Variants in MCOLN3 observed in about 807,000 individuals in gnomAD.
The protein encoded by MCOLN3 is mucolipin-3.
MCOLN3 carries 62 observed loss-of-function variants against 69.4 expected under a neutral mutation model. The ratio of observed to expected loss-of-function variants is 0.89; its 90% CI spans 0.73 to 1.10. The LOEUF (loss-of-function observed/expected upper bound fraction) is 1.10, where lower values mean the gene tolerates loss of function less well. Ranked by LOEUF, MCOLN3 falls within the 50% of genes least tolerant of loss-of-function variation. The pLI, the probability that MCOLN3 is intolerant of heterozygous loss-of-function variation, is 0.00. For synonymous variants in MCOLN3, 183 were observed against 217.0 expected (o/e 0.84, Z 1.38); for missense variants, 564 against 656.4 (o/e 0.86, Z 1.54).
At position 85,021,277 on chromosome 1, in the gene MCOLN3, C is replaced by CAATTAAGG. The variant is rs1455901546; in HGVS notation, c.1321-2_1321-1insCCTTAATT. The CAATTAAGG allele has an allele frequency of 6.2e-7, 1 of 1,604,802 alleles. No individual in the cohort carries two copies. The highest frequency in any genetic ancestry group is 1.3e-5 in the African/African-American group (1 of 74,256). ...CAGAGACCATGTTCAGAGAACGAAACTGGAAAAAGAAAAGAGAAAAGTTCA... is the reference window on the plus strand; with the variant it reads ...CAGAGACCATGTTCAGAGAACGAAACAATTAAGGTGGAAAAAGAAAAGAGAAAAGTTCA... On this transcript the variant is annotated splice_acceptor_variant, in intron 11 of 12. Transcript: ENST00000370589. LOFTEE classifies it high-confidence loss of function.
chr1:85,026,600 C>T (rs1451009450), intron 7 of MCOLN3, among the ~76,000 whole-genome samples: 6 of 151,378 alleles, frequency 4.0e-5, no homozygotes, highest in Non-Finnish European at 8.9e-5. Flanking sequence ...ACTAAAAATA[C>T]AAAAAAATTA....
chr1:85,032,609 C>G, intron 6 of MCOLN3, 87 bp downstream of exon 6: 1 of 959,882 alleles, frequency 1.0e-6, no homozygotes, highest in Non-Finnish European at 1.7e-6. Flanking sequence ...ATTTTTTTAT[C>G]ACACCGTAAT....
chr1:85,026,043 C>G lies in MCOLN3; in HGVS notation c.991G>C (p.Val331Leu). 6.2e-7 allele frequency: 1 copy of G among 1,601,036 alleles called. No individual in the cohort carries two copies. The highest frequency in any genetic ancestry group is 8.5e-7 in the Non-Finnish European group (1 of 1,173,704). ...FLLHYKKEVS[V>L]SDQMEFVNGW... Reference sequence around the variant, plus strand: ...TTGACAAATTCCATTTGATCAGAAACAGAAACTTCCTTCTTATAATGGAGG... The same window carrying G: ...TTGACAAATTCCATTTGATCAGAAAGAGAAACTTCCTTCTTATAATGGAGG... Residue 331 changes from valine (V) to leucine (L), a missense_variant, in exon 9 of 13, where the codon GTT becomes CTT. By Grantham distance (32) the Val-to-Leu change is conservative. Coordinates refer to ENST00000370589, the MANE Select transcript of MCOLN3 (RefSeq NM_018298.11).
chr1:85,036,424 C>T (rs923807214), intron 3 of MCOLN3, among the ~76,000 whole-genome samples: 2 of 152,124 alleles, frequency 1.3e-5, no homozygotes, highest in Non-Finnish European at 2.9e-5. Context: ...CTCCTGACCT[C>T]GTGATCTGCC....
At chr1:85,041,940 CA>C (rs1052097298) in intron 2 of MCOLN3, among the ~76,000 whole-genome samples, 2 of 150,856 alleles carry the variant, frequency 1.3e-5, no homozygotes, top group Non-Finnish European at 3.0e-5. Context: ...CCCTCTCATC[CA>C]AACCTCTCTC....
At chr1:85,038,307 C>T (rs1179847711) in intron 3 of MCOLN3, among the ~76,000 whole-genome samples, 6 of 152,028 alleles carry the variant, frequency 3.9e-5, no homozygotes, top group Admixed American at 1.3e-4. Context: ...GGAAAACGAC[C>T]AAGCTTTGAG....
Position 85,021,296 on chromosome 1 carries a change from A to C in MCOLN3, c.1321-20T>G. ...ACGAAACTGGAAAAAGAAAAGAGAAAAGTTCACTTTATTCCATGTTCCTTC... is the reference window on the plus strand; with the variant it reads ...ACGAAACTGGAAAAAGAAAAGAGAACAGTTCACTTTATTCCATGTTCCTTC... On this transcript the variant is annotated intron_variant, in intron 11 of 12. Coordinates refer to ENST00000370589, the MANE Select transcript of MCOLN3 (RefSeq NM_018298.11). 6.3e-7 allele frequency: 1 copy of C among 1,588,406 alleles called. No homozygotes were observed. Among genetic ancestry groups the C allele is most frequent in the Non-Finnish European group, 8.6e-7 (1 of 1,162,556 alleles).
chr1:85,035,919 T>C (rs1652777102), intron 3 of MCOLN3, among the ~76,000 whole-genome samples: 1 of 152,208 alleles, frequency 6.6e-6, no homozygotes, highest in South Asian at 2.1e-4. Flanking sequence ...GGTTCTTCCT[T>C]GAGATAGACA....
At chr1:85,023,976 G>A (rs1652089628) in intron 9 of MCOLN3, among the ~76,000 whole-genome samples, 1 of 152,140 alleles carries the variant, frequency 6.6e-6, no homozygotes, top group African/African-American at 2.4e-5. Flanking sequence ...AGCATGAGAG[G>A]ACACTGAAAA....
chr1:85,020,520 C>A (rs545894240), intron 12 of MCOLN3, among the ~76,000 whole-genome samples: 2 of 152,318 alleles, frequency 1.3e-5, no homozygotes, highest in African/African-American at 4.8e-5. Flanking sequence ...ATGACAATAG[C>A]TTTTCAGTTC....
At chr1:85,046,737 C>A (rs979800592) in intron 1 of MCOLN3, among the ~76,000 whole-genome samples, 1 of 152,146 alleles carries the variant, frequency 6.6e-6, no homozygotes, top group African/African-American at 2.4e-5. Flanking sequence ...GGGGAAGGTT[C>A]TTAAACTCTT....
At position 85,018,132 on chromosome 1, in the gene MCOLN3, C is replaced by A. The variant is rs1651752508; in HGVS notation, c.*991G>T. ...ATGCATGTATAAGATACTCTTTTTA[C>A]TTTCTACTTTAACACTGAAGGAGGA... On this transcript the variant is annotated 3_prime_UTR_variant, in exon 13 of 13. Coordinates refer to ENST00000370589, the MANE Select transcript of MCOLN3 (RefSeq NM_018298.11). 2 of 152,148 alleles carry A rather than the reference C, an allele frequency of 1.3e-5. No individual in the cohort carries two copies. The allele number at this position is 152,148 out of a possible 1,614,324, so 9.4% of individuals were successfully genotyped here. A position where few individuals can be genotyped will look rare whatever the true frequency, so the allele number is the denominator to read the frequency against.
chr1:85,030,058 AT>A (rs1652429579), intron 6 of MCOLN3: 1 of 152,236 alleles, frequency 6.6e-6, no homozygotes. Context: ...ATTTCTCCTC[AT>A]GAGGGATTGT....
Position 85,025,600 on chromosome 1 carries a change from A to C in MCOLN3, c.1095+339T>G, listed in dbSNP as rs529707092. On this transcript the variant is annotated intron_variant, in intron 9 of 12. Transcript: ENST00000370589. ...TTTCTTGTAAGATTAAAAAAAAAAA[A>C]AAAACTCTTACCTTAGTTACCTTGG... 1,161 of 183,724 alleles carry C rather than the reference A, an allele frequency of 6.3e-3. 15 individuals are homozygous for C. The highest frequency in any genetic ancestry group is 0.026 in the African/African-American group (1,096 of 42,034). The allele number at this position is 183,724 out of a possible 1,614,324, so 11.4% of individuals were successfully genotyped here.
chr1:85,020,615 G>GCCCT (rs1651877225), intron 12 of MCOLN3, among the ~76,000 whole-genome samples: 1 of 152,224 alleles, frequency 6.6e-6, no homozygotes, highest in East Asian at 1.9e-4. Flanking sequence ...CTGGGCTTGT[G>GCCCT]CCCTGCAGGG....
At chr1:85,035,328 C>T (rs538975452) in intron 3 of MCOLN3, among the ~76,000 whole-genome samples, 1 of 152,194 alleles carries the variant, frequency 6.6e-6, no homozygotes, top group South Asian at 2.1e-4. Context: ...TCCCATATTT[C>T]AAATACCACC....
chr1:85,042,366 C>G (rs183392130), intron 2 of MCOLN3, among the ~76,000 whole-genome samples: 1 of 152,376 alleles, frequency 6.6e-6, no homozygotes, highest in East Asian at 1.9e-4. Context: ...CTTTTCCCCT[C>G]TCCCTTCCAC....
chr1:85,026,511 C>T (rs546632111), intron 7 of MCOLN3, among the ~76,000 whole-genome samples: 35 of 148,788 alleles, frequency 2.4e-4, no homozygotes, highest in African/African-American at 7.9e-4. Context: ...AATCCCAGCA[C>T]TTTGGGAGGC....
At chr1:85,024,172 G>A (rs1286449692) in intron 9 of MCOLN3, among the ~76,000 whole-genome samples, 1 of 151,932 alleles carries the variant, frequency 6.6e-6, no homozygotes, top group East Asian at 1.9e-4. Flanking sequence ...AAAAAAACAG[G>A]TGGGGGAGGG....
Sources: gnomAD v4.1 joint callset for allele counts (sites outside exome capture counted in the v4.1 genomes callset) on GRCh38, gnomAD v4.1.1 for gene constraint, MANE v1.5 for transcripts, NCBI Gene and HGNC (gene_info 2026-07-23, HGNC 2026-07-21) for gene names.